Variants in TMTC2 observed in about 807,000 individuals in gnomAD.
The protein encoded by TMTC2 is transmembrane O-mannosyltransferase targeting cadherins 2, also known as protein O-mannosyl-transferase TMTC2.
Under a neutral mutation model 82.4 loss-of-function variants are expected in TMTC2, and 43 were observed. The observed-to-expected ratio is 0.52, with a 90% CI of 0.41 to 0.67. The LOEUF (loss-of-function observed/expected upper bound fraction) is 0.67, where lower values mean the gene tolerates loss of function less well. Among genes scored for constraint, TMTC2 ranks in the 30% least tolerant of loss-of-function variants. TMTC2 has a pLI of 0.00. For missense variants in TMTC2, 919 were observed against 1,012.4 expected, an observed-to-expected ratio of 0.91 and a Z score of 1.25; for synonymous variants, 408 against 381.9, an observed-to-expected ratio of 1.07 and a Z score of -0.80.
At chr12:82,751,603 G>A (rs982442476) in intron 1 of TMTC2, among the ~76,000 whole-genome samples, 2 of 152,028 alleles carry the variant, frequency 1.3e-5, no homozygotes, top group Admixed American at 1.3e-4. Flanking sequence ...TTTGAAATTT[G>A]TAAATTGTCA....
intron 1 of TMTC2, among the ~76,000 whole-genome samples, chr12:82,764,054 T>G (rs7297682): frequency 6.6e-6 from 1 of 152,222 alleles, no homozygotes; most frequent in African/African-American, 2.4e-5. Context: ...TCATTTAGTT[T>G]TAGGAAAATT....
Position 83,132,428 on chromosome 12 carries a change from G to T in TMTC2, c.*39G>T. 4 of 1,607,000 alleles carry T rather than the reference G, an allele frequency of 2.5e-6. No individual in the cohort carries two copies. The highest frequency in any genetic ancestry group is 3.4e-6 in the Non-Finnish European group (4 of 1,177,508). On this transcript the variant is annotated 3_prime_UTR_variant, in exon 12 of 12. Transcript: ENST00000321196. The stretch of plus-strand genomic sequence containing the variant: ...AGCCCATCCTCCTCCATTTTTAAAA[G>T]CTGGCTTCCTTAGCAGACAGAACTT...
intron 7 of TMTC2, among the ~76,000 whole-genome samples, chr12:82,968,851 A>G (rs1205070852): frequency 6.6e-6 from 1 of 152,136 alleles, no homozygotes; most frequent in African/African-American, 2.4e-5. Flanking sequence ...TTAGAGAAGG[A>G]GATGGTTGCT....
At chr12:82,747,598 G>A (rs1335146218) in intron 1 of TMTC2, among the ~76,000 whole-genome samples, 1 of 152,178 alleles carries the variant, frequency 6.6e-6, no homozygotes, top group Non-Finnish European at 1.5e-5. Context: ...AGATTTTAGA[G>A]CATGGAATTG....
chr12:83,027,583 A>G (rs1423010585), intron 8 of TMTC2, among the ~76,000 whole-genome samples: 1 of 152,180 alleles, frequency 6.6e-6, no homozygotes, highest in East Asian at 1.9e-4. Flanking sequence ...CCGACTGACC[A>G]CATTAAGTGA....
rs201280750 is a variant in TMTC2 at position 82,921,476 on chromosome 12, AT to A, written c.1484-8950del. 2.0e-3 allele frequency among the ~76,000 whole-genome samples: 306 copies of A among 152,240 alleles called. 6 individuals carry two copies. In the East Asian group the frequency reaches 0.041, roughly 20 times the overall value. ...TATTATTGTTGTTATTTTTATTATA[AT>A]TTTTAAAATTTCTTCTTCATCTCCT... On this transcript the variant is annotated intron_variant, in intron 3 of 11. Transcript: ENST00000321196.
chr12:82,925,318 C>T (rs940214472), intron 3 of TMTC2, among the ~76,000 whole-genome samples: 7 of 152,154 alleles, frequency 4.6e-5, no homozygotes. Flanking sequence ...TTGAACAGTA[C>T]TAAGTGTCCA....
chr12:82,743,696 G>A (rs1875534708), intron 1 of TMTC2, among the ~76,000 whole-genome samples: 1 of 151,778 alleles, frequency 6.6e-6, no homozygotes, highest in Non-Finnish European at 1.5e-5. Flanking sequence ...CTCCACTTTG[G>A]TTATTTAATT....
intron 11 of TMTC2, among the ~76,000 whole-genome samples, chr12:83,112,700 G>T (rs1884635890): frequency 1.3e-5 from 2 of 152,154 alleles, no homozygotes; most frequent in Non-Finnish European, 2.9e-5. Context: ...TAAAAGAATT[G>T]AAAAGATGTC....
intron 4 of TMTC2, 77 bp downstream of exon 4, chr12:82,930,622 A>G: frequency 2.4e-6 from 2 of 835,704 alleles, no homozygotes; most frequent in East Asian, 2.6e-5. Flanking sequence ...TAACTGCTGG[A>G]AATGGAGATG....
intron 3 of TMTC2, among the ~76,000 whole-genome samples, chr12:82,911,617 T>A (rs1874664357): frequency 6.6e-6 from 1 of 152,138 alleles, no homozygotes; most frequent in Non-Finnish European, 1.5e-5. Context: ...TCTTTTCTTT[T>A]TTTGAGATGG....
At chr12:83,029,111 A>C (rs1881306915) in intron 8 of TMTC2, among the ~76,000 whole-genome samples, 2 of 151,490 alleles carry the variant, frequency 1.3e-5, no homozygotes, top group Non-Finnish European at 2.9e-5. Flanking sequence ...AGCAACAATG[A>C]GTTTTTTGTT....
At chr12:82,774,438 T>G (rs12310132) in intron 1 of TMTC2, among the ~76,000 whole-genome samples, 5,081 of 151,994 alleles carry the variant, frequency 0.033, 275 homozygotes, top group African/African-American at 0.12. Context: ...CTGGCCAACA[T>G]GGTGAAACCC....
chr12:83,055,713 T>A (rs1882515377), intron 10 of TMTC2, among the ~76,000 whole-genome samples: 1 of 151,448 alleles, frequency 6.6e-6, no homozygotes. Flanking sequence ...GGGGTGTGTG[T>A]GTGTGTGTGT....
chr12:83,022,403 G>A (rs984394904), intron 8 of TMTC2, among the ~76,000 whole-genome samples: 2 of 117,566 alleles, frequency 1.7e-5, no homozygotes, highest in Admixed American at 1.3e-4. Context: ...GCTCTCTTCC[G>A]CATTATTTTT....
intron 1 of TMTC2, among the ~76,000 whole-genome samples, chr12:82,717,423 G>A (rs912665100): frequency 1.5e-4 from 23 of 151,976 alleles, no homozygotes; most frequent in African/African-American, 5.3e-4. Context: ...TAGAGATGGG[G>A]TTTTACCATG....
rs575865983 is a variant in TMTC2 at position 82,951,427 on chromosome 12, A to G, written c.1599-13597A>G. The stretch of plus-strand genomic sequence containing the variant: ...TGCCTCAGCCTCCTGAATAGCTGGG[A>G]CTACAGGCACATGCCGCCACGCCCA... On this transcript the variant is annotated intron_variant, in intron 4 of 11. Coordinates refer to ENST00000321196, the MANE Select transcript of TMTC2 (RefSeq NM_152588.3). Among the ~76,000 whole-genome samples, 23 of 152,194 alleles carry G rather than the reference A, an allele frequency of 1.5e-4. No individual in the cohort carries two copies. The Middle Eastern group carries it at 0.01, about 68-fold the overall frequency.
chr12:83,012,616 C>A, intron 8 of TMTC2, among the ~76,000 whole-genome samples: 1 of 152,140 alleles, frequency 6.6e-6, no homozygotes, highest in Non-Finnish European at 1.5e-5. Flanking sequence ...CATGAAAAAA[C>A]ACAAAATTTA....
At position 82,876,057 on chromosome 12, in the gene TMTC2, GTGGTGGTGGTGATGATGA is replaced by G. The variant is rs1353334266; in HGVS notation, c.654+18480_654+18497del. Among the ~76,000 whole-genome samples, 71 of 137,108 alleles carry G rather than the reference GTGGTGGTGGTGATGATGA, an allele frequency of 5.2e-4. 3 individuals carry two copies. The highest frequency in any genetic ancestry group is 9.4e-4 in the African/African-American group (32 of 34,062). 89.9% of individuals were successfully genotyped at this position (137,108 alleles called of 152,430 possible). A position where few individuals can be genotyped will look rare whatever the true frequency, so the allele number is the denominator to read the frequency against. On this transcript the variant is annotated intron_variant, in intron 2 of 11. Transcript: ENST00000321196. ...GGTGGTGGTGGTGGTGGTGGTGGTGGTGGTGGTGGTGATGATGATGATGGTGATTAGTATTCATAATGG... is the reference window on the plus strand; with the variant it reads ...GGTGGTGGTGGTGGTGGTGGTGGTGGTGATGGTGATTAGTATTCATAATGG...
Sources: gnomAD v4.1 joint callset for allele counts (sites outside exome capture counted in the v4.1 genomes callset) on GRCh38, gnomAD v4.1.1 for gene constraint, MANE v1.5 for transcripts, NCBI Gene and HGNC (gene_info 2026-07-23, HGNC 2026-07-21) for gene names.